RAB11FIP4: variants seen among roughly 807,000 people sequenced by gnomAD.
RAB11FIP4 encodes the protein RAB11 family interacting protein 4, also known as rab11 family-interacting protein 4.
RAB11FIP4 carries 23 observed loss-of-function variants against 74.3 expected under a neutral mutation model. That is an observed-to-expected ratio of 0.31 (90% CI 0.22 to 0.44). RAB11FIP4 has a LOEUF of 0.44. Among genes scored for constraint, RAB11FIP4 ranks in the 20% least tolerant of loss-of-function variants. The pLI, the probability that RAB11FIP4 is intolerant of heterozygous loss-of-function variation, is 1.00. For synonymous variants in RAB11FIP4, 360 were observed against 359.9 expected (o/e 1.00, Z 0.00); for missense variants, 630 against 863.9 (o/e 0.73, Z 3.39).
At position 31,512,734 on chromosome 17, in the gene RAB11FIP4, A is replaced by G. The variant is rs1348296908; in HGVS notation, c.337-4917A>G. 6.6e-6 allele frequency among the ~76,000 whole-genome samples: 1 copy of G among 152,120 alleles called. No individual in the cohort carries two copies. Among genetic ancestry groups the G allele is most frequent in the African/African-American group, 2.4e-5 (1 of 41,410 alleles). On this transcript the variant is annotated intron_variant, in intron 3 of 14. Coordinates refer to ENST00000621161, the MANE Select transcript of RAB11FIP4 (RefSeq NM_032932.6). This position sits in a 1 kb window ranked among gnomAD's most constrained non-coding sequence, Gnocchi z 4.1. ...ACTGTCCCTTCCCCAAAGGCCCCCAAAAGAGCAGACACAGCCTTTCTGTGC... is the reference window on the plus strand; with the variant it reads ...ACTGTCCCTTCCCCAAAGGCCCCCAGAAGAGCAGACACAGCCTTTCTGTGC...
chr17:31,507,512 C>T (rs1453077865), intron 3 of RAB11FIP4, among the ~76,000 whole-genome samples: 1 of 152,164 alleles, frequency 6.6e-6, no homozygotes, highest in Admixed American at 6.5e-5. Context: ...AACACCTATT[C>T]AGATCTTTTG....
intron 1 of RAB11FIP4, among the ~76,000 whole-genome samples, chr17:31,406,006 C>G (rs957152003): frequency 2.0e-5 from 3 of 151,816 alleles, no homozygotes; most frequent in Admixed American, 6.5e-5. Flanking sequence ...TGCAGACACT[C>G]TGCTCTGCCC....
intron 7 of RAB11FIP4, chr17:31,522,599 C>T: frequency 3.6e-6 from 2 of 556,964 alleles, no homozygotes; most frequent in Admixed American, 7.1e-5. Flanking sequence ...TCTCTCCCCA[C>T]CCCTTGTCCC....
At chr17:31,404,313 G>A (rs533817631) in intron 1 of RAB11FIP4, among the ~76,000 whole-genome samples, 4 of 152,184 alleles carry the variant, frequency 2.6e-5, no homozygotes, top group Admixed American at 2.0e-4. Context: ...TCTCCGCCCC[G>A]TCCCCACTTC....
At chr17:31,437,146 G>A (rs141083139) in intron 3 of RAB11FIP4, among the ~76,000 whole-genome samples, 193 of 152,252 alleles carry the variant, frequency 1.3e-3, no homozygotes, top group African/African-American at 4.5e-3. Flanking sequence ...GTGAGATGGC[G>A]GTAGCTGTGG....
chr17:31,518,076 CA>C (rs142574423), intron 4 of RAB11FIP4, among the ~76,000 whole-genome samples, 199 bp downstream of exon 4: 269 of 152,288 alleles, frequency 1.8e-3, no homozygotes, highest in African/African-American at 6.2e-3. Context: ...GAATTTTAGG[CA>C]GCTGTGCAAA....
chr17:31,401,858 C>G (rs558595110), intron 1 of RAB11FIP4, among the ~76,000 whole-genome samples: 8 of 152,338 alleles, frequency 5.3e-5, no homozygotes, highest in Non-Finnish European at 5.9e-5. Context: ...AAGGCAAGCC[C>G]ATTCTCACCT....
intron 3 of RAB11FIP4, among the ~76,000 whole-genome samples, chr17:31,449,205 T>C (rs1369297319): frequency 6.6e-6 from 1 of 152,074 alleles, no homozygotes; most frequent in Non-Finnish European, 1.5e-5. Context: ...ACACAGGCCA[T>C]GCCCTCCAAT....
rs146864567 is a variant in RAB11FIP4 at position 31,528,479 on chromosome 17, G to A, written c.1430G>A (p.Arg477His). The A allele has an allele frequency of 4.6e-5, 74 of 1,613,648 alleles. No individual in the cohort carries two copies. Among genetic ancestry groups the A allele is most frequent in the Non-Finnish European group, 6.0e-5 (71 of 1,180,056 alleles). Residue 477 changes from arginine to histidine, a missense_variant, in exon 12 of 15, where the codon CGC becomes CAC. By Grantham distance (29) the Arg-to-His change is conservative. Transcript: ENST00000621161. ...AAAGATGAGATGGACCTGTACAAGCGCATGATGGACAAGCTGCGACAGAAC... is the reference window on the plus strand; with the variant it reads ...AAAGATGAGATGGACCTGTACAAGCACATGATGGACAAGCTGCGACAGAAC... ...RLKDEMDLYK[R>H]MMDKLRQNRL...
intron 1 of RAB11FIP4, among the ~76,000 whole-genome samples, chr17:31,419,919 C>T (rs575019476): frequency 6.6e-6 from 1 of 152,090 alleles, no homozygotes; most frequent in East Asian, 1.9e-4. Flanking sequence ...CCCCATAAAA[C>T]GAGTTGGGAA....
chr17:31,401,837 C>T (rs546109328), intron 1 of RAB11FIP4, among the ~76,000 whole-genome samples: 6 of 152,192 alleles, frequency 3.9e-5, no homozygotes, highest in Non-Finnish European at 7.3e-5. Context: ...GACAGGGACG[C>T]GCTGCCTCCC....
At position 31,391,951 on chromosome 17, in the gene RAB11FIP4, CG is replaced by C; in HGVS notation, c.101del (p.Gly34AlafsTer25). 7.2e-7 allele frequency: 1 copy of C among 1,383,748 alleles called. No homozygotes were observed. The highest frequency in any genetic ancestry group is 9.4e-7 in the Non-Finnish European group (1 of 1,064,992). 85.7% of individuals were successfully genotyped at this position (1,383,748 alleles called of 1,614,324 possible). ...TCGAGGTGTGCGGCCGCGACCCCGA[CG>C]GCTTCCTGCGCGTGGAGCGCGTCGC... ...VFEVCGRDPDGFLRVERVAAL... is the reference protein window; with the variant it reads ...VFEVCGRDPDXFLRVERVAAL... On this transcript the variant is annotated frameshift_variant, in exon 1 of 15. Coordinates refer to ENST00000621161, the MANE Select transcript of RAB11FIP4 (RefSeq NM_032932.6). LOFTEE classifies it high-confidence loss of function.
intron 3 of RAB11FIP4, among the ~76,000 whole-genome samples, chr17:31,452,104 A>G (rs1052816103): frequency 6.6e-6 from 1 of 152,150 alleles, no homozygotes; most frequent in African/African-American, 2.4e-5. Flanking sequence ...GTACTAGCAA[A>G]TACTAGAACT....
intron 3 of RAB11FIP4, among the ~76,000 whole-genome samples, chr17:31,474,390 G>A (rs961380439): frequency 6.6e-6 from 1 of 152,138 alleles, no homozygotes; most frequent in Non-Finnish European, 1.5e-5. Flanking sequence ...GGTTTAAAGG[G>A]ACCAGGTGCG....
intron 3 of RAB11FIP4, among the ~76,000 whole-genome samples, chr17:31,494,488 C>T (rs766161687): frequency 6.6e-6 from 1 of 152,102 alleles, no homozygotes; most frequent in Non-Finnish European, 1.5e-5. Context: ...AACCTTCGCA[C>T]CTAACAGAAT....
chr17:31,493,909 G>T (rs150323870), intron 3 of RAB11FIP4, among the ~76,000 whole-genome samples: 111 of 152,228 alleles, frequency 7.3e-4, no homozygotes, highest in African/African-American at 2.6e-3. Flanking sequence ...GATCGTATAT[G>T]TGTGTGTGCA....
intron 6 of RAB11FIP4, 68 bp from the exon 7 acceptor site, chr17:31,522,292 A>T (rs2142818726): frequency 2.0e-6 from 3 of 1,520,996 alleles, no homozygotes; most frequent in Middle Eastern, 3.4e-4. Context: ...GGTGTCTTAC[A>T]GCTAGGACAG....
intron 1 of RAB11FIP4, among the ~76,000 whole-genome samples, chr17:31,396,682 T>TA (rs1376737870): frequency 6.6e-6 from 1 of 152,194 alleles, no homozygotes; most frequent in African/African-American, 2.4e-5. Context: ...CTGCCCCTCT[T>TA]ACGTCCCCTC....
intron 1 of RAB11FIP4, among the ~76,000 whole-genome samples, chr17:31,395,642 A>G (rs2070922143): frequency 6.6e-6 from 1 of 152,152 alleles, no homozygotes; most frequent in African/African-American, 2.4e-5. Flanking sequence ...GGACCTCTCA[A>G]AATTGTCAAG....
Sources: gnomAD v4.1 joint callset for allele counts (sites outside exome capture counted in the v4.1 genomes callset) on GRCh38, gnomAD v4.1.1 for gene constraint, Gnocchi (gnomAD v3.1) non-coding constraint, MANE v1.5 for transcripts, NCBI Gene and HGNC (gene_info 2026-07-23, HGNC 2026-07-21) for gene names.